Variants in ENOX1 observed in about 807,000 individuals in gnomAD.
ENOX1 encodes the protein ecto-NOX disulfide-thiol exchanger 1.
A neutral mutation model predicts 82.5 loss-of-function variants in ENOX1; 42 were observed. That is an observed-to-expected ratio of 0.51 (90% CI 0.40 to 0.66). ENOX1 has a LOEUF of 0.66. Among genes scored for constraint, ENOX1 ranks in the 30% least tolerant of loss-of-function variants. The pLI is 0.00. For missense variants in ENOX1, 608 were observed against 811.6 expected, an observed-to-expected ratio of 0.75 and a Z score of 3.05; for synonymous variants, 271 against 282.2, an observed-to-expected ratio of 0.96 and a Z score of 0.40.
chr13:43,233,109 T>C (rs368877129), intron 15 of ENOX1, among the ~76,000 whole-genome samples: 9 of 152,196 alleles, frequency 5.9e-5, no homozygotes, highest in African/African-American at 1.9e-4. Flanking sequence ...AGTTCTGGCA[T>C]AGACATTGAG....
chr13:43,368,848 G>A (rs1439957724), intron 5 of ENOX1, among the ~76,000 whole-genome samples: 4 of 152,192 alleles, frequency 2.6e-5, no homozygotes, highest in Admixed American at 6.5e-5. Flanking sequence ...ATGAGAAAGT[G>A]GATGCCCAGA....
intron 9 of ENOX1, among the ~76,000 whole-genome samples, chr13:43,343,483 G>C (rs1055455972): frequency 6.6e-6 from 1 of 152,122 alleles, no homozygotes; most frequent in African/African-American, 2.4e-5. Context: ...TTACATTTGG[G>C]AATTTGTTAT....
At chr13:43,273,508 T>C (rs1566392360) in intron 12 of ENOX1, among the ~76,000 whole-genome samples, 1 of 152,230 alleles carries the variant, frequency 6.6e-6, no homozygotes, top group Non-Finnish European at 1.5e-5. Context: ...GAATTCTGCC[T>C]GGCTTATTCC....
At chr13:43,502,236 C>T (rs959296372) in intron 2 of ENOX1, among the ~76,000 whole-genome samples, 1 of 151,460 alleles carries the variant, frequency 6.6e-6, no homozygotes, top group African/African-American at 2.4e-5. Context: ...AATCAAAAAC[C>T]ACCTACTAAG....
At chr13:43,253,981 G>T (rs2043606356) in intron 14 of ENOX1, among the ~76,000 whole-genome samples, 2 of 152,342 alleles carry the variant, frequency 1.3e-5, no homozygotes, top group South Asian at 4.1e-4. Context: ...TTGCATGCAA[G>T]TCATGTCTGT....
intron 3 of ENOX1, among the ~76,000 whole-genome samples, chr13:43,455,986 T>C (rs1285465548): frequency 2.0e-5 from 3 of 152,192 alleles, no homozygotes; most frequent in Non-Finnish European, 4.4e-5. Flanking sequence ...TTATCAGCAG[T>C]GTGAAAACGT....
At chr13:43,653,796 T>C (rs1594275795) in intron 2 of ENOX1, among the ~76,000 whole-genome samples, 1 of 152,160 alleles carries the variant, frequency 6.6e-6, no homozygotes, top group East Asian at 1.9e-4. Flanking sequence ...CAAGACCATT[T>C]GGCACCATGT....
chr13:43,410,405 C>T lies in ENOX1; in HGVS notation c.208+1511G>A, dbSNP rs562965617. On this transcript the variant is annotated intron_variant, in intron 5 of 16. Coordinates refer to ENST00000690772, the MANE Select transcript of ENOX1 (RefSeq NM_001347969.2). The stretch of plus-strand genomic sequence containing the variant: ...GAAAATGTCATTTATGTACACCTAC[C>T]TCCCTAGAGCAGACTAATCTTCAAT... Among the ~76,000 whole-genome samples the T allele has an allele frequency of 1.1e-4, 16 of 152,176 alleles. No homozygotes were observed. In the South Asian group the frequency reaches 1.2e-3, roughly 12 times the overall value.
chr13:43,710,871 CT>C (rs144855488), intron 1 of ENOX1, among the ~76,000 whole-genome samples: 5,132 of 147,490 alleles, frequency 0.035, 102 homozygotes, highest in East Asian at 0.066. Flanking sequence ...AAAGAAATAC[CT>C]TTTTTTTTTG....
chr13:43,466,902 T>C (rs973276683), intron 3 of ENOX1, among the ~76,000 whole-genome samples: 4 of 152,212 alleles, frequency 2.6e-5, no homozygotes, highest in African/African-American at 9.6e-5. Flanking sequence ...ATATGTAGTC[T>C]GTGTGTCTGG....
At chr13:43,777,327 G>C (rs1951974431) in intron 1 of ENOX1, among the ~76,000 whole-genome samples, 1 of 152,094 alleles carries the variant, frequency 6.6e-6, no homozygotes, top group East Asian at 1.9e-4. Context: ...ACTAAAAAAG[G>C]CTGACTTTTA....
chr13:43,764,285 T>C lies in ENOX1; in HGVS notation c.-285+22367A>G, dbSNP rs559092116. ...ATATTCTAACAAAAAGTTAAAATGA[T>C]TGGAGAGTTAGATAAATCCTTAAGA... is the stretch of plus-strand genomic sequence containing the variant. On this transcript the variant is annotated intron_variant, in intron 1 of 16. Transcript: ENST00000690772. 5.9e-5 allele frequency among the ~76,000 whole-genome samples: 9 copies of C among 152,294 alleles called. No homozygotes were observed. The East Asian group carries it at 1.7e-3, about 29-fold the overall frequency.
chr13:43,413,699 T>TTTATATATTTATATATA (rs1566157187), intron 3 of ENOX1, among the ~76,000 whole-genome samples: 4 of 146,676 alleles, frequency 2.7e-5, no homozygotes, highest in Non-Finnish European at 4.5e-5. Flanking sequence ...ATATATATAT[T>TTTATATATTTATATATA]TTTATATATT....
chr13:43,292,635 C>G (rs1268047973), intron 12 of ENOX1, among the ~76,000 whole-genome samples: 1 of 145,732 alleles, frequency 6.9e-6, no homozygotes. Context: ...AAAAAAAAAA[C>G]CCTATAAAAT....
intron 11 of ENOX1, among the ~76,000 whole-genome samples, chr13:43,305,793 G>A (rs1255387079): frequency 1.3e-5 from 2 of 152,200 alleles, no homozygotes; most frequent in Non-Finnish European, 2.9e-5. Context: ...TGCAAAAGCA[G>A]GATAAGTCTG....
chr13:43,444,994 TCA>T (rs1459652644), intron 3 of ENOX1, among the ~76,000 whole-genome samples: 1 of 152,150 alleles, frequency 6.6e-6, no homozygotes, highest in Non-Finnish European at 1.5e-5. Flanking sequence ...CTCGGGCTGG[TCA>T]CAGTTTTCTC....
At chr13:43,520,634 G>GC (rs2077728676) in intron 2 of ENOX1, among the ~76,000 whole-genome samples, 1 of 152,154 alleles carries the variant, frequency 6.6e-6, no homozygotes, top group Non-Finnish European at 1.5e-5. Flanking sequence ...CATGCAGACA[G>GC]AGGATTAGGG....
chr13:43,340,709 C>T (rs948871064), intron 9 of ENOX1, among the ~76,000 whole-genome samples: 2 of 152,154 alleles, frequency 1.3e-5, no homozygotes, highest in South Asian at 4.1e-4. Flanking sequence ...CAAGTTGAAA[C>T]CTTGTTTCCT....
chr13:43,482,124 G>A (rs1311731331), intron 3 of ENOX1, among the ~76,000 whole-genome samples: 2 of 152,076 alleles, frequency 1.3e-5, no homozygotes, highest in African/African-American at 4.8e-5. Flanking sequence ...ATATGATCCA[G>A]CAATTTCACT....
Sources: allele counts gnomAD v4.1 joint callset (sites outside exome capture counted in the v4.1 genomes callset), GRCh38; gene constraint gnomAD v4.1.1; transcripts MANE v1.5; gene names NCBI Gene and HGNC (gene_info 2026-07-23, HGNC 2026-07-21).